CLTB: variants seen among roughly 807,000 people sequenced by gnomAD.
CLTB encodes the protein clathrin, light chain (Lcb).
In CLTB, 10 loss-of-function variants were observed where a neutral mutation model predicts 30.5. The observed-to-expected ratio is 0.33, with a 90% confidence interval of 0.20 to 0.56. The LOEUF (loss-of-function observed/expected upper bound fraction) is 0.56. Ranked by LOEUF, CLTB falls within the 20% of genes least tolerant of loss-of-function variation. CLTB has a pLI of 0.91. For synonymous variants in CLTB, 102 were observed against 120.3 expected (o/e 0.85, Z 1.00); for missense variants, 261 against 308.3 (o/e 0.85, Z 1.15).
intron 2 of CLTB, among the ~76,000 whole-genome samples, chr5:176,404,272 C>T (rs537653155): frequency 9.2e-5 from 14 of 152,310 alleles, no homozygotes; most frequent in Non-Finnish European, 1.2e-4. Context: ...TCCCCAGCTC[C>T]GGTTGCCCCC....
Position 176,406,714 on chromosome 5 carries a change from G to C in CLTB, c.234+3543C>G. On this transcript the variant is annotated intron_variant, in intron 2 of 5. Transcript: ENST00000310418. ...ACCCGCTGGTGGTGCACGGGCTGCA[G>C]AAAAGAGGAAGAAAGGAAGCACAAA... is the stretch of plus-strand genomic sequence containing the variant. 2.3e-6 allele frequency: 3 copies of C among 1,284,502 alleles called. No homozygotes were observed. The African/African-American group carries it at 4.6e-5, about 20-fold the overall frequency. The allele number at this position is 1,284,502 out of a possible 1,614,324, so 79.6% of individuals were successfully genotyped here.
chr5:176,416,369 C>T lies in CLTB; in HGVS notation c.-6G>A, dbSNP rs755908541. 5.7e-6 allele frequency: 9 copies of T among 1,586,876 alleles called. No homozygotes were observed. Among genetic ancestry groups the T allele is most frequent in the Non-Finnish European group, 7.7e-6 (9 of 1,169,634 alleles). ...AAGCCAAAGTCATCAGCCATTTTCC[C>T]CGCGCCTCCGCCGGAGCCTCCGCTG... On this transcript the variant is annotated 5_prime_UTR_variant, in exon 1 of 6. Transcript: ENST00000310418.
chr5:176,406,185 T>C (rs1024571047), intron 2 of CLTB: 2 of 993,476 alleles, frequency 2.0e-6, no homozygotes, highest in Non-Finnish European at 2.4e-6. Flanking sequence ...AGATCAGTCA[T>C]GGCCAGGAGG....
intron 2 of CLTB, among the ~76,000 whole-genome samples, chr5:176,399,878 A>AG (rs199502774): frequency 1.9e-5 from 2 of 107,132 alleles, no homozygotes; most frequent in Non-Finnish European, 4.3e-5. Context: ...ACTTGGTCTC[A>AG]AAAAAAAAAA....
chr5:176,396,095 A>T (rs1305609860), intron 5 of CLTB, among the ~76,000 whole-genome samples: 2 of 152,162 alleles, frequency 1.3e-5, no homozygotes, highest in Non-Finnish European at 2.9e-5. Flanking sequence ...AGATCGCAGC[A>T]CTGCACTCCA....
chr5:176,412,903 A>G (rs570234523), intron 1 of CLTB, among the ~76,000 whole-genome samples: 2 of 152,158 alleles, frequency 1.3e-5, no homozygotes, highest in Non-Finnish European at 1.5e-5. Flanking sequence ...ACCAGGGTCT[A>G]TTCCCTGTGA....
At position 176,392,794 on chromosome 5, in the gene CLTB, G is replaced by GCTT. The variant is rs1756317001; in HGVS notation, c.667_669dup (p.Lys223dup). On this transcript the variant is annotated inframe_insertion, in exon 6 of 6. Transcript: ENST00000310418. This position sits in a 1 kb window ranked among gnomAD's most constrained non-coding sequence, Gnocchi z 5.2. ...GGCACCTAGCGGGACAGTGGCGTCT[G>GCTT]CTTCAGGGACATGAGCACCGAGCGC... 1 of 1,614,112 alleles carries GCTT rather than the reference G, an allele frequency of 6.2e-7. No individual in the cohort carries two copies. Among genetic ancestry groups the GCTT allele is most frequent in the African/African-American group, 1.3e-5 (1 of 74,962 alleles).
At chr5:176,410,687 C>T (rs1757382420) in intron 1 of CLTB, among the ~76,000 whole-genome samples, 1 of 151,572 alleles carries the variant, frequency 6.6e-6, no homozygotes, top group East Asian at 1.9e-4. Flanking sequence ...GAAGCCTGTG[C>T]CTGGTGAGTA....
At chr5:176,409,122 T>A (rs11958847) in intron 2 of CLTB, among the ~76,000 whole-genome samples, 50,255 of 151,804 alleles carry the variant, frequency 0.33, 9,456 homozygotes, top group African/African-American at 0.53. Context: ...GATTATAGGC[T>A]TGTGCCACCA....
intron 4 of CLTB, among the ~76,000 whole-genome samples, chr5:176,397,138 T>C (rs910788454): frequency 1.8e-4 from 27 of 152,212 alleles, no homozygotes; most frequent in African/African-American, 6.5e-4. Flanking sequence ...GGGTCCTCCT[T>C]ATCTCCATCT....
Position 176,414,034 on chromosome 5 carries a change from T to A in CLTB, c.187+2143A>T, listed in dbSNP as rs574020425. 2.0e-5 allele frequency among the ~76,000 whole-genome samples: 3 copies of A among 152,222 alleles called. No individual in the cohort carries two copies. In the South Asian group the frequency reaches 6.2e-4, roughly 32 times the overall value. On this transcript the variant is annotated intron_variant, in intron 1 of 5. Coordinates refer to ENST00000310418, the MANE Select transcript of CLTB (RefSeq NM_007097.5). ...ACTGTAAGTCCCTGGAGCCCCACCA[T>A]CCTGGGAGAGGCCACAACCTGCTCA...
At chr5:176,399,289 C>T (rs1264443303) in intron 2 of CLTB, among the ~76,000 whole-genome samples, 1 of 152,142 alleles carries the variant, frequency 6.6e-6, no homozygotes, top group Non-Finnish European at 1.5e-5. Flanking sequence ...GAGAAGCATC[C>T]CTGAGATATG....
chr5:176,400,008 ATGG>A (rs1756736347), intron 2 of CLTB, among the ~76,000 whole-genome samples: 1 of 152,154 alleles, frequency 6.6e-6, no homozygotes, highest in Non-Finnish European at 1.5e-5. Flanking sequence ...CCTGACCAAC[ATGG>A]TGAAACCCCA....
chr5:176,410,187 C>G, intron 2 of CLTB, 70 bp downstream of exon 2: 1 of 1,326,994 alleles, frequency 7.5e-7, no homozygotes, highest in East Asian at 2.3e-5. Context: ...AAGCCTACAA[C>G]AATGAGGCTT....
chr5:176,405,521 G>GAAAAAT (rs1757064728), intron 2 of CLTB: 2 of 146,516 alleles, frequency 1.4e-5, no homozygotes, highest in African/African-American at 5.0e-5. Context: ...AAAAGAAAAA[G>GAAAAAT]AAAAAGAAAA....
At chr5:176,394,214 G>C (rs777914849) in intron 5 of CLTB, among the ~76,000 whole-genome samples, 76 of 152,236 alleles carry the variant, frequency 5.0e-4, no homozygotes, top group Non-Finnish European at 9.3e-4. Context: ...TGTCCCTTCA[G>C]GGTCCAGAGG....
chr5:176,394,242 A>G (rs1756385907), intron 5 of CLTB, among the ~76,000 whole-genome samples: 1 of 152,242 alleles, frequency 6.6e-6, no homozygotes, highest in Non-Finnish European at 1.5e-5. Flanking sequence ...CTGTCCTTGC[A>G]GCTCAAAGCG....
chr5:176,412,099 C>A (rs1193365699), intron 1 of CLTB, among the ~76,000 whole-genome samples: 2 of 151,412 alleles, frequency 1.3e-5, no homozygotes, highest in African/African-American at 4.9e-5. Context: ...TGGTGTGAAC[C>A]CGGGAGGCGG....
chr5:176,408,274 C>A (rs1015779924), intron 2 of CLTB, among the ~76,000 whole-genome samples: 4 of 151,350 alleles, frequency 2.6e-5, no homozygotes, highest in Non-Finnish European at 5.9e-5. Flanking sequence ...TGGCTCGTGC[C>A]TGTAATCCCA....
Sources: gnomAD v4.1 joint callset for allele counts (sites outside exome capture counted in the v4.1 genomes callset) on GRCh38, gnomAD v4.1.1 for gene constraint, Gnocchi (gnomAD v3.1) non-coding constraint, MANE v1.5 for transcripts, NCBI Gene and HGNC (gene_info 2026-07-23, HGNC 2026-07-21) for gene names.